DPEP1: variants seen among roughly 807,000 people sequenced by gnomAD.
The protein encoded by DPEP1 is dipeptidase 1, also known as beta-lactamase.
Under a neutral mutation model 42.3 loss-of-function variants are expected in DPEP1, and 50 were observed. The observed-to-expected ratio is 1.18, with a 90% CI of 0.94 to 1.50. The LOEUF (loss-of-function observed/expected upper bound fraction) is 1.50, where lower values mean the gene tolerates loss of function less well. Among genes scored for constraint, DPEP1 ranks in the 40% most tolerant of loss-of-function variants. The pLI is 0.00. For synonymous variants in DPEP1, 297 were observed against 234.0 expected (o/e 1.27, Z -2.46); for missense variants, 663 against 553.0 (o/e 1.20, Z -1.99).
downstream of DPEP1, chr16:89,638,507 G>T: frequency 8.0e-7 from 1 of 1,246,586 alleles, no homozygotes; most frequent in Admixed American, 4.0e-5. Flanking sequence ...GGTTGGACGT[G>T]GGGCACTCCT....
intron 2 of DPEP1, among the ~76,000 whole-genome samples, chr16:89,631,376 G>A (rs113738879): frequency 6.6e-6 from 1 of 152,196 alleles, no homozygotes; most frequent in African/African-American, 2.4e-5. Context: ...GGTCACCATG[G>A]AGGCCTCCTG....
intron 1 of DPEP1, among the ~76,000 whole-genome samples, chr16:89,623,334 G>C (rs1197032471): frequency 1.3e-5 from 2 of 151,976 alleles, no homozygotes; most frequent in African/African-American, 4.8e-5. Context: ...AAGGGCCCTG[G>C]TAACCGGGCA....
Position 89,638,359 on chromosome 16 carries a change from T to TG in DPEP1, c.*143dup. Reference sequence around the variant, plus strand: ...TCCTGAGAGGACGCCTGGGCTTACCTGGGGGGCAGGATGCCTGGGGACAGT... The same window carrying TG: ...TCCTGAGAGGACGCCTGGGCTTACCTGGGGGGGCAGGATGCCTGGGGACAGT... On this transcript the variant is annotated 3_prime_UTR_variant, in exon 11 of 11. Transcript: ENST00000690203. The TG allele has an allele frequency of 3.5e-6, 5 of 1,423,850 alleles. No individual in the cohort carries two copies. The highest frequency in any genetic ancestry group is 1.6e-5 in the South Asian group (1 of 64,362). 88.2% of individuals were successfully genotyped at this position (1,423,850 alleles called of 1,614,324 possible). A position where few individuals can be genotyped will look rare whatever the true frequency, so the allele number is the denominator to read the frequency against.
chr16:89,627,613 A>G (rs1188398851), intron 1 of DPEP1, among the ~76,000 whole-genome samples: 2 of 144,550 alleles, frequency 1.4e-5, no homozygotes, highest in Non-Finnish European at 3.0e-5. Flanking sequence ...GAGAAGAGGG[A>G]AAGGAAGGGC....
intron 1 of DPEP1, among the ~76,000 whole-genome samples, chr16:89,629,324 A>C (rs1194726607): frequency 6.6e-6 from 1 of 152,134 alleles, no homozygotes; most frequent in African/African-American, 2.4e-5. Flanking sequence ...AACATGGGGA[A>C]GACCCCATCT....
At chr16:89,614,285 C>T (rs868142130) in intron 1 of DPEP1, among the ~76,000 whole-genome samples, 155 of 152,252 alleles carry the variant, frequency 1.0e-3, no homozygotes, top group Middle Eastern at 6.8e-3. Context: ...TTCCTTGTGG[C>T]GCCCAGTGCG....
chr16:89,637,849 C>A lies in DPEP1; in HGVS notation c.943C>A (p.Leu315Met), dbSNP rs1378374217. ...FDGVPRVPEG[L>M]EDVSKYPDLI... ...GCCTCAACACAGGGTCCCTGAGGGG[C>A]TGGAGGACGTCTCCAAGTATCCAGA... is the stretch of plus-strand genomic sequence containing the variant. Residue 315 changes from leucine (L) to methionine (M), a missense_variant, in exon 10 of 11, where the codon CTG becomes ATG. Leu to Met is a conservative substitution (Grantham distance 15). Transcript: ENST00000690203. 1 of 1,612,632 alleles carries A rather than the reference C, an allele frequency of 6.2e-7. No homozygotes were observed. The highest frequency in any genetic ancestry group is 8.5e-7 in the Non-Finnish European group (1 of 1,179,912).
chr16:89,637,115 G>A (rs2059691581), intron 6 of DPEP1, 89 bp from the exon 7 acceptor site: 1 of 1,543,270 alleles, frequency 6.5e-7, no homozygotes, highest in Admixed American at 1.9e-5. Flanking sequence ...CAGCCACGAA[G>A]GATGATGACT....
intron 9 of DPEP1, 48 bp downstream of exon 9, chr16:89,637,755 G>A (rs1202562976): frequency 6.2e-7 from 1 of 1,612,724 alleles, no homozygotes; most frequent in Admixed American, 1.7e-5. Flanking sequence ...GAGGTTCATG[G>A]CCTCGTCAGA....
intron 7 of DPEP1, 28 bp from the exon 8 acceptor site, chr16:89,637,440 G>C: frequency 1.2e-6 from 2 of 1,612,806 alleles, no homozygotes; most frequent in South Asian, 2.2e-5. Context: ...CCAGCTCTCA[G>C]CTTCACCCTG....
At position 89,626,883 on chromosome 16, in the gene DPEP1, C is replaced by T. The variant is rs543198650; in HGVS notation, c.-106-3422C>T. 1.3e-4 allele frequency among the ~76,000 whole-genome samples: 19 copies of T among 151,790 alleles called. No homozygotes were observed. In the South Asian group the frequency reaches 2.7e-3, roughly 22 times the overall value. On this transcript the variant is annotated intron_variant, in intron 1 of 10. Coordinates refer to ENST00000690203, the MANE Select transcript of DPEP1 (RefSeq NM_001389466.1). ...CTGTAATCCCAACAGCTTGGGAGGC[C>T]GAGGCGGGTGGATCACTTGGGGTCA...
At chr16:89,631,176 C>T (rs999053929) in intron 2 of DPEP1, among the ~76,000 whole-genome samples, 81 of 152,134 alleles carry the variant, frequency 5.3e-4, no homozygotes, top group African/African-American at 1.9e-3. Context: ...CTGCCTTCTC[C>T]CGGGGGGAGG....
downstream of DPEP1, among the ~76,000 whole-genome samples, chr16:89,639,772 G>T (rs1179446532): frequency 6.6e-6 from 1 of 151,994 alleles, no homozygotes; most frequent in South Asian, 2.1e-4. Flanking sequence ...TGCAACCTCC[G>T]TCTCCCAGGT....
chr16:89,640,177 ACAGGG>A (rs2059732925), downstream of DPEP1, among the ~76,000 whole-genome samples: 1 of 152,178 alleles, frequency 6.6e-6, no homozygotes, highest in South Asian at 2.1e-4. Context: ...TGAGATGCAC[ACAGGG>A]CAGGACAGGA....
chr16:89,636,174 C>T, intron 3 of DPEP1, 90 bp from the exon 4 acceptor site: 2 of 1,552,568 alleles, frequency 1.3e-6, no homozygotes, highest in Non-Finnish European at 1.7e-6. Context: ...GAGGGCTTCC[C>T]AGCGGGTGGG....
Position 89,636,678 on chromosome 16 carries a change from G to A in DPEP1, c.516G>A (p.Thr172=), listed in dbSNP as rs373979011. Residue 172 remains threonine, a synonymous_variant, in exon 5 of 11, where the codon ACG becomes ACA. Transcript: ENST00000690203. ...TGACCCTCACCCACAGCTGCAACACGCCCTGGTGCGTGACTCCCCATGGGA... is the reference window on the plus strand; with the variant it reads ...TGACCCTCACCCACAGCTGCAACACACCCTGGTGCGTGACTCCCCATGGGA... ...RYLTLTHSCN[T]PWADNWLVDT... 43 of 1,612,256 alleles carry A rather than the reference G, an allele frequency of 2.7e-5. No individual in the cohort carries two copies. The Admixed American group carries it at 3.2e-4, about 12-fold the overall frequency.
At chr16:89,636,780 AGTCCCAGGCC>A in intron 5 of DPEP1, 76 bp from the exon 6 acceptor site, 1 of 1,601,622 alleles carries the variant, frequency 6.2e-7, no homozygotes, top group African/African-American at 1.3e-5. Context: ...TCTGCCTGTG[AGTCCCAGGCC>A]GGGCCTCGCC....
chr16:89,614,456 C>T (rs1017991505), intron 1 of DPEP1, among the ~76,000 whole-genome samples: 5 of 152,150 alleles, frequency 3.3e-5, no homozygotes, highest in South Asian at 4.1e-4. Context: ...GCCTGTTGTC[C>T]GGCCCCACAA....
rs187347785 is a variant in DPEP1 at position 89,619,912 on chromosome 16, T to A, written c.-107+6193T>A. Among the ~76,000 whole-genome samples, 11 of 105,566 alleles carry A rather than the reference T, an allele frequency of 1.0e-4. No homozygotes were observed. The East Asian group carries it at 2.5e-3, about 24-fold the overall frequency. 69.3% of individuals were successfully genotyped at this position (105,566 alleles called of 152,430 possible). Reference sequence around the variant, plus strand: ...CATTGGCTGCTTGAAAATGTCAGACTCCAAGGGCCCCTGTGACTAGCCCAG... The same window carrying A: ...CATTGGCTGCTTGAAAATGTCAGACACCAAGGGCCCCTGTGACTAGCCCAG... On this transcript the variant is annotated intron_variant, in intron 1 of 10. Transcript: ENST00000690203.
Sources: gnomAD v4.1 joint callset for allele counts (sites outside exome capture counted in the v4.1 genomes callset) on GRCh38, gnomAD v4.1.1 for gene constraint, MANE v1.5 for transcripts, NCBI Gene and HGNC (gene_info 2026-07-23, HGNC 2026-07-21) for gene names.